FBLN5: variants seen among roughly 807,000 people sequenced by gnomAD.
FBLN5 encodes the protein fibulin-5.
FBLN5 carries 24 observed loss-of-function variants against 61.6 expected under a neutral mutation model. The ratio of observed to expected loss-of-function variants is 0.39; its 90% confidence interval spans 0.28 to 0.55. The LOEUF (loss-of-function observed/expected upper bound fraction) is 0.55, where lower values mean the gene tolerates loss of function less well. Ranked by LOEUF, FBLN5 falls within the 20% of genes least tolerant of loss-of-function variation. The pLI, the probability that FBLN5 is intolerant of heterozygous loss-of-function variation, is 0.65. For missense variants in FBLN5, 470 were observed against 594.1 expected (o/e 0.79, Z 2.17); for synonymous variants, 213 against 219.8 (o/e 0.97, Z 0.27).
At chr14:91,893,005 AG>A (rs1353769877) in intron 5 of FBLN5, among the ~76,000 whole-genome samples, 1 of 135,132 alleles carries the variant, frequency 7.4e-6, no homozygotes, top group Non-Finnish European at 1.7e-5. Flanking sequence ...TCCCAGGTAG[AG>A]GAATGTCCGA....
chr14:91,923,778 C>G (rs1011493048), intron 4 of FBLN5, among the ~76,000 whole-genome samples: 4 of 152,138 alleles, frequency 2.6e-5, no homozygotes, highest in African/African-American at 7.2e-5. Flanking sequence ...AGGGCAGGGA[C>G]AGCATCTCGT....
intron 5 of FBLN5, 122 bp downstream of exon 5, chr14:91,894,828 C>T: frequency 4.3e-6 from 2 of 469,510 alleles, no homozygotes; most frequent in Non-Finnish European, 8.5e-6. Context: ...TCCACCCCTC[C>T]CGCCCTCCCT....
At chr14:91,926,027 C>G (rs931274305) in intron 4 of FBLN5, among the ~76,000 whole-genome samples, 1 of 152,184 alleles carries the variant, frequency 6.6e-6, no homozygotes, top group Non-Finnish European at 1.5e-5. Context: ...GGTGCCCGCA[C>G]TCTTCCTTCC....
At chr14:91,926,957 A>G (rs1160164447) in intron 4 of FBLN5, among the ~76,000 whole-genome samples, 3 of 152,202 alleles carry the variant, frequency 2.0e-5, no homozygotes. Context: ...GTAACGGTGC[A>G]GTGATAGGAT....
chr14:91,901,530 A>G (rs1190019819), intron 4 of FBLN5, among the ~76,000 whole-genome samples: 2 of 152,224 alleles, frequency 1.3e-5, no homozygotes, highest in Non-Finnish European at 2.9e-5. Flanking sequence ...CAACAATGGC[A>G]CATTCCTACA....
At chr14:91,913,565 T>C (rs1382464511) in intron 4 of FBLN5, among the ~76,000 whole-genome samples, 2 of 152,210 alleles carry the variant, frequency 1.3e-5, no homozygotes, top group African/African-American at 2.4e-5. Flanking sequence ...GGCCATTATA[T>C]TTCCAGTGCC....
chr14:91,872,869 A>G (rs529842531), intron 10 of FBLN5, among the ~76,000 whole-genome samples: 6 of 152,296 alleles, frequency 3.9e-5, no homozygotes, highest in Non-Finnish European at 7.4e-5. Context: ...CTGCGTGAAC[A>G]AAGACCAAGA....
At chr14:91,922,822 C>G (rs899241320) in intron 4 of FBLN5, among the ~76,000 whole-genome samples, 6 of 152,166 alleles carry the variant, frequency 3.9e-5, no homozygotes, top group African/African-American at 1.2e-4. Context: ...AGGACCAGGC[C>G]AGGCCCTATC....
At chr14:91,911,180 T>C (rs1401339261) in intron 4 of FBLN5, among the ~76,000 whole-genome samples, 2 of 152,110 alleles carry the variant, frequency 1.3e-5, no homozygotes, top group African/African-American at 4.8e-5. Flanking sequence ...GACGGGCTTT[T>C]CACCAGGTTG....
In FBLN5 at chr14:91,886,418, T is replaced by A. The variant is rs190793286; in HGVS notation, c.739+775A>T. ...GTCCCTATTCTCAAGGAGTTTACAA[T>A]CCAATAATATTTTTCTAACTAAGAA... On this transcript the variant is annotated intron_variant, in intron 7 of 10. Transcript: ENST00000342058. Among the ~76,000 whole-genome samples, 221 of 152,128 alleles carry A rather than the reference T, an allele frequency of 1.5e-3. 1 individual carries two copies. Among genetic ancestry groups the A allele is most frequent in the African/African-American group, 5.0e-3 (206 of 41,478 alleles).
chr14:91,909,118 C>T (rs986633942), intron 4 of FBLN5, among the ~76,000 whole-genome samples: 25 of 151,948 alleles, frequency 1.6e-4, no homozygotes, highest in African/African-American at 6.0e-4. Context: ...GGGGTTTCAC[C>T]GTGTTAGCCA....
chr14:91,935,889 G>A (rs915504494), intron 4 of FBLN5, among the ~76,000 whole-genome samples: 10 of 151,962 alleles, frequency 6.6e-5, no homozygotes, highest in Non-Finnish European at 1.5e-4. Flanking sequence ...CTCTCCCCAC[G>A]CCAACACACA....
At position 91,947,255 on chromosome 14, in the gene FBLN5, C is replaced by A; in HGVS notation, c.-26G>T. On this transcript the variant is annotated 5_prime_UTR_variant, in exon 1 of 11. Transcript: ENST00000342058. This position sits in a 1 kb window ranked among gnomAD's most constrained non-coding sequence, Gnocchi z 4.3. ...GTCCAAGACGCGCGAGGAGGAGATG[C>A]GAAGGCGAGAAGAAAGCTCGCGGGC... is the stretch of plus-strand genomic sequence containing the variant. 2 of 1,614,086 alleles carry A rather than the reference C, an allele frequency of 1.2e-6. No individual in the cohort carries two copies. Among genetic ancestry groups the A allele is most frequent in the South Asian group, 1.1e-5 (1 of 91,064 alleles).
At position 91,870,336 on chromosome 14, in the gene FBLN5, C is replaced by T. The variant is rs121434303; in HGVS notation, c.1235G>A (p.Gly412Glu). The T allele has an allele frequency of 7.4e-6, 12 of 1,614,202 alleles. No homozygotes were observed. The highest frequency in any genetic ancestry group is 9.3e-6 in the Non-Finnish European group (11 of 1,180,038). Reference sequence around the variant, plus strand: ...CAAGTCCAGCTGGATTTCCCGGGGCCCTTTGATGGGGCGTGTCATCACCAG... The same window carrying T: ...CAAGTCCAGCTGGATTTCCCGGGGCTCTTTGATGGGGCGTGTCATCACCAG... ...ATLVMTRPIK[G>E]PREIQLDLEM... Residue 412 changes from glycine (G) to glutamate (E), a missense_variant, in exon 11 of 11, where the codon GGG (glycine) becomes GAG (glutamate). By Grantham distance (98) the Gly-to-Glu change is moderately conservative (BLOSUM62 -2). Coordinates refer to ENST00000342058, the MANE Select transcript of FBLN5 (RefSeq NM_006329.4).
chr14:91,910,825 A>G (rs1044579010), intron 4 of FBLN5, among the ~76,000 whole-genome samples: 1 of 152,146 alleles, frequency 6.6e-6, no homozygotes, highest in Non-Finnish European at 1.5e-5. Flanking sequence ...AGAGAAGGGG[A>G]GGCAGGGAAG....
intron 4 of FBLN5, among the ~76,000 whole-genome samples, chr14:91,930,755 C>T (rs1267133605): frequency 6.6e-6 from 1 of 152,178 alleles, no homozygotes; most frequent in Non-Finnish European, 1.5e-5. Flanking sequence ...GTTCCCACTT[C>T]CCACTTTTCT....
intron 10 of FBLN5, among the ~76,000 whole-genome samples, chr14:91,871,301 T>A (rs554035323): frequency 5.3e-5 from 8 of 151,162 alleles, no homozygotes; most frequent in African/African-American, 1.9e-4. Context: ...CATTCCAAGA[T>A]TTTCTATGTC....
intron 4 of FBLN5, among the ~76,000 whole-genome samples, chr14:91,907,129 T>C (rs1219257032): frequency 6.6e-6 from 1 of 152,150 alleles, no homozygotes; most frequent in Non-Finnish European, 1.5e-5. Context: ...TCTCTCACAG[T>C]GAAGTGTGGC....
In FBLN5 at chr14:91,869,987, G is replaced by A. The variant is rs1595286436; in HGVS notation, c.*237C>T. 3 of 546,552 alleles carry A rather than the reference G, an allele frequency of 5.5e-6. No individual in the cohort carries two copies. In the East Asian group the frequency reaches 9.8e-5, roughly 18 times the overall value. The allele number at this position is 546,552 out of a possible 1,614,324, so 33.9% of individuals were successfully genotyped here. On this transcript the variant is annotated 3_prime_UTR_variant, in exon 11 of 11. Coordinates refer to ENST00000342058, the MANE Select transcript of FBLN5 (RefSeq NM_006329.4). ...ATTCACCAACAATCTTCTATCAGGG[G>A]AGCAATGATAATACTTTTTGATAAC...
Sources: allele counts gnomAD v4.1 joint callset (sites outside exome capture counted in the v4.1 genomes callset), GRCh38; gene constraint gnomAD v4.1.1; non-coding constraint Gnocchi (gnomAD v3.1); transcripts MANE v1.5; gene names NCBI Gene and HGNC (gene_info 2026-07-23, HGNC 2026-07-21).